MED12L: variants seen among roughly 807,000 people sequenced by gnomAD.
The protein encoded by MED12L is mediator complex subunit 12L.
In MED12L, 60 loss-of-function variants were observed where a neutral mutation model predicts 281.3. That is an observed-to-expected ratio of 0.21 (90% confidence interval 0.17 to 0.26). The LOEUF is 0.26. Among genes scored for constraint, MED12L ranks in the 10% least tolerant of loss-of-function variants. The pLI, the probability that MED12L is intolerant of heterozygous loss-of-function variation, is 1.00. For missense variants in MED12L, 2,146 were observed against 2,680.9 expected (o/e 0.80, Z 4.41); for synonymous variants, 974 against 987.2 (o/e 0.99, Z 0.25).
chr3:151,227,376 G>A (rs1296426808), intron 16 of MED12L, among the ~76,000 whole-genome samples: 2 of 152,168 alleles, frequency 1.3e-5, no homozygotes, highest in South Asian at 4.1e-4. Flanking sequence ...CTGAATTTCT[G>A]CTACAAACAG....
At position 151,394,730 on chromosome 3, in the gene MED12L, C is replaced by A; in HGVS notation, c.5683C>A (p.Arg1895=). Residue 1895 remains arginine, a synonymous_variant, in exon 39 of 45, where the codon CGG becomes AGG. Coordinates refer to ENST00000687756, the MANE Select transcript of MED12L (RefSeq NM_001393769.1). The part of the protein sequence containing the change: ...TKQALSNMLQ[R]RSGAMMQPPS... ...ACAAGCTCTGTCAAACATGCTACAG[C>A]GGCGCTCAGGCGCCATGATGCAGCC... 6.2e-7 allele frequency: 1 copy of A among 1,614,276 alleles called. No individual in the cohort carries two copies. The highest frequency in any genetic ancestry group is 8.5e-7 in the Non-Finnish European group (1 of 1,180,056).
rs1751027156 is a variant in MED12L at position 151,336,611 on chromosome 3, G to A, written c.2251-13448G>A. On this transcript the variant is annotated intron_variant, in intron 16 of 44. Transcript: ENST00000687756. ...CACATGTGTTATATGTTTTGTTTATGTTAAAATAGCGAATATGCCTTGTGT... is the reference window on the plus strand; with the variant it reads ...CACATGTGTTATATGTTTTGTTTATATTAAAATAGCGAATATGCCTTGTGT... 4 of 451,290 alleles carry A rather than the reference G, an allele frequency of 8.9e-6. 1 individual carries two copies. The highest frequency in any genetic ancestry group is 3.2e-5 in the South Asian group (2 of 63,480). The allele number at this position is 451,290 out of a possible 1,614,324, so 28.0% of individuals were successfully genotyped here.
chr3:151,199,775 A>G (rs1341394615), intron 16 of MED12L, among the ~76,000 whole-genome samples: 3 of 152,016 alleles, frequency 2.0e-5, no homozygotes, highest in Non-Finnish European at 4.4e-5. Context: ...TGAGAAGTAG[A>G]GAGAGGAAAC....
At chr3:151,192,497 C>G in intron 14 of MED12L, 53 bp from the exon 15 acceptor site, 2 of 1,268,288 alleles carry the variant, frequency 1.6e-6, no homozygotes, top group South Asian at 2.6e-5. Context: ...GCTTCAGTTT[C>G]TTGATGAACT....
At chr3:151,152,896 G>T (rs950775088) in intron 5 of MED12L, among the ~76,000 whole-genome samples, 1 of 152,172 alleles carries the variant, frequency 6.6e-6, no homozygotes, top group Non-Finnish European at 1.5e-5. Context: ...ACTTCATTTG[G>T]TGTGCTCTGT....
rs574566478 is a variant in MED12L at position 151,168,098 on chromosome 3, TAG to T, written c.1494+2117_1494+2118del. Among the ~76,000 whole-genome samples the T allele has an allele frequency of 5.3e-5, 8 of 152,108 alleles. No individual in the cohort carries two copies. In the East Asian group the frequency reaches 1.5e-3, roughly 29 times the overall value. On this transcript the variant is annotated intron_variant, in intron 11 of 44. Transcript: ENST00000687756. Reference sequence around the variant, plus strand: ...AGTTACAGCACTCTCAAGAAAAAAATAGGGGTGTTTTTTCAAAAAAATTCAAG... The same window carrying T: ...AGTTACAGCACTCTCAAGAAAAAAATGGGTGTTTTTTCAAAAAAATTCAAG...
intron 6 of MED12L, among the ~76,000 whole-genome samples, chr3:151,156,760 G>A (rs1160093655): frequency 6.6e-6 from 1 of 152,086 alleles, no homozygotes; most frequent in Non-Finnish European, 1.5e-5. Flanking sequence ...GCTGAGGGGA[G>A]GGGTAAGGGC....
At chr3:151,225,963 G>C (rs1253591849) in intron 16 of MED12L, among the ~76,000 whole-genome samples, 1 of 152,150 alleles carries the variant, frequency 6.6e-6, no homozygotes, top group Non-Finnish European at 1.5e-5. Flanking sequence ...GTGTACCCCT[G>C]ATATTTCTTC....
chr3:151,313,883 G>C (rs964755862), intron 16 of MED12L, among the ~76,000 whole-genome samples: 2 of 149,586 alleles, frequency 1.3e-5, no homozygotes, highest in African/African-American at 4.9e-5. Context: ...AAGATCACGC[G>C]ACTGCACTCC....
At chr3:151,214,326 T>G (rs780557131) in intron 16 of MED12L, 1 of 1,608,714 alleles carries the variant, frequency 6.2e-7, no homozygotes, top group Non-Finnish European at 8.5e-7. Flanking sequence ...TCTTGTAACT[T>G]CTGAAGGCAG....
At chr3:151,326,003 C>G (rs1318479939) in intron 16 of MED12L, among the ~76,000 whole-genome samples, 3 of 152,202 alleles carry the variant, frequency 2.0e-5, no homozygotes, top group Admixed American at 6.5e-5. Flanking sequence ...AGAGTACTTT[C>G]TAAAGGTGTT....
chr3:151,199,428 A>T (rs200140652), intron 16 of MED12L: 29 of 1,530,030 alleles, frequency 1.9e-5, no homozygotes, highest in Non-Finnish European at 2.4e-5. Context: ...AAAAGAAAAA[A>T]TTTCTAAGAC....
chr3:151,382,933 C>T (rs1191354325), intron 33 of MED12L, among the ~76,000 whole-genome samples, 188 bp downstream of exon 33: 2 of 152,188 alleles, frequency 1.3e-5, no homozygotes, highest in African/African-American at 4.8e-5. Context: ...CCTGTCTGGT[C>T]AGACATCTAG....
At chr3:151,092,465 A>C (rs1296060465) in intron 2 of MED12L, among the ~76,000 whole-genome samples, 1 of 152,238 alleles carries the variant, frequency 6.6e-6, no homozygotes, top group East Asian at 1.9e-4. Context: ...TAAATACTTC[A>C]TGAAGAAATT....
Position 151,416,300 on chromosome 3 carries a change from C to T in MED12L, c.6298-12C>T, listed in dbSNP as rs767650887. On this transcript the variant is annotated splice_polypyrimidine_tract_variant and intron_variant, in intron 42 of 44. Transcript: ENST00000687756. ...TCCTTTTAAGTGTATAACATTTTTA[C>T]CCTCTTTCCAGATGCAGCAGCCCCA... The T allele has an allele frequency of 1.9e-6, 3 of 1,612,734 alleles. No individual in the cohort carries two copies. The highest frequency in any genetic ancestry group is 3.3e-5 in the Admixed American group (2 of 60,018).
intron 16 of MED12L, among the ~76,000 whole-genome samples, chr3:151,280,908 T>C (rs1440823786): frequency 6.6e-6 from 1 of 152,034 alleles, no homozygotes; most frequent in Non-Finnish European, 1.5e-5. Context: ...AACAGTTGTC[T>C]AAGCTAGAAA....
rs1312534817 is a variant in MED12L, at chr3:151,245,474, T to A, written c.2250+51808T>A. Among the ~76,000 whole-genome samples, 7 of 138,582 alleles carry A rather than the reference T, an allele frequency of 5.1e-5. No individual in the cohort carries two copies. In the Admixed American group the frequency reaches 5.2e-4, roughly 10 times the overall value. 90.9% of individuals were successfully genotyped at this position (138,582 alleles called of 152,430 possible). ...GCAAGGCTGGTTCAATATACACAAA[T>A]CAATAAATGTAATCCAGCATATAAA... is the stretch of plus-strand genomic sequence containing the variant. On this transcript the variant is annotated intron_variant, in intron 16 of 44. Coordinates refer to ENST00000687756, the MANE Select transcript of MED12L (RefSeq NM_001393769.1).
At chr3:151,166,456 T>TA (rs1720730102) in intron 11 of MED12L, among the ~76,000 whole-genome samples, 1 of 152,108 alleles carries the variant, frequency 6.6e-6, no homozygotes, top group Admixed American at 6.5e-5. Flanking sequence ...TGTATGTATA[T>TA]ATATGTGTAT....
chr3:151,392,825 ATATTT>A (rs1714447537), intron 38 of MED12L, among the ~76,000 whole-genome samples: 2 of 152,218 alleles, frequency 1.3e-5, no homozygotes, highest in Admixed American at 6.5e-5. Context: ...CATATTTGTA[ATATTT>A]TATTCCAGTA....
Sources: gnomAD v4.1 joint callset for allele counts (sites outside exome capture counted in the v4.1 genomes callset) on GRCh38, gnomAD v4.1.1 for gene constraint, MANE v1.5 for transcripts, NCBI Gene and HGNC (gene_info 2026-07-23, HGNC 2026-07-21) for gene names.